Variants in PRR5L observed in about 807,000 individuals in gnomAD.
The protein encoded by PRR5L is proline-rich protein 5-like.
Under a neutral mutation model 36.4 loss-of-function variants are expected in PRR5L, and 21 were observed. The observed-to-expected ratio is 0.58, with a 90% CI of 0.41 to 0.83. The LOEUF (loss-of-function observed/expected upper bound fraction) is 0.83, where lower values mean the gene tolerates loss of function less well. PRR5L is among the 40% of genes least tolerant of loss of function. The pLI is 0.00. For synonymous variants in PRR5L, 188 were observed against 197.0 expected, an observed-to-expected ratio of 0.95 and a Z score of 0.38; for missense variants, 381 against 473.3, an observed-to-expected ratio of 0.80 and a Z score of 1.81.
At chr11:36,352,723 T>C (rs1350005050) in intron 1 of PRR5L, among the ~76,000 whole-genome samples, 1 of 152,146 alleles carries the variant, frequency 6.6e-6, no homozygotes, top group African/African-American at 2.4e-5. Context: ...AGCTAAACAG[T>C]GGGGCTTAGA....
rs187157383 is a variant in PRR5L at position 36,340,111 on chromosome 11, A to G, written c.-126+43673A>G. 4.5e-4 allele frequency among the ~76,000 whole-genome samples: 69 copies of G among 152,356 alleles called. 1 individual carries two copies. Among genetic ancestry groups the G allele is most frequent in the African/African-American group, 4.8e-4 (20 of 41,590 alleles). On this transcript the variant is annotated intron_variant, in intron 1 of 8. Coordinates refer to ENST00000530639, the MANE Select transcript of PRR5L (RefSeq NM_001160167.2). ...CAGTGACAGGAAGGAGTAACTGAGC[A>G]AAGGCTGCAGTCTGGAGCCCCCCTG...
chr11:36,334,397 G>A (rs946525576), intron 1 of PRR5L, among the ~76,000 whole-genome samples: 2 of 152,138 alleles, frequency 1.3e-5, no homozygotes, highest in African/African-American at 4.8e-5. Context: ...GTCCAAACAA[G>A]CTCCTGGCCA....
chr11:36,404,621 A>G lies in PRR5L; in HGVS notation c.245+1243A>G, dbSNP rs1160688340. On this transcript the variant is annotated intron_variant, in intron 3 of 8. Coordinates refer to ENST00000530639, the MANE Select transcript of PRR5L (RefSeq NM_001160167.2). ...ATTCGTTTCTGGATATGTTAAGTGC[A>G]GAACTTCAAGGCTAAAGACCCAACC... Among the ~76,000 whole-genome samples, 3 of 152,280 alleles carry G rather than the reference A, an allele frequency of 2.0e-5. 1 individual carries two copies. In the East Asian group the frequency reaches 5.8e-4, roughly 29 times the overall value.
chr11:36,303,240 G>T (rs527948189), intron 1 of PRR5L, among the ~76,000 whole-genome samples: 129 of 152,344 alleles, frequency 8.5e-4, no homozygotes, highest in African/African-American at 3.1e-3. Context: ...AGATGTAATA[G>T]AAAGTTATTT....
chr11:36,370,423 T>C (rs1037917765), intron 1 of PRR5L, among the ~76,000 whole-genome samples: 1 of 152,186 alleles, frequency 6.6e-6, no homozygotes, highest in African/African-American at 2.4e-5. Flanking sequence ...TTTATGCATT[T>C]GTTTCCATGT....
intron 1 of PRR5L, among the ~76,000 whole-genome samples, chr11:36,390,039 C>A (rs1857535731): frequency 6.6e-6 from 1 of 152,148 alleles, no homozygotes; most frequent in Non-Finnish European, 1.5e-5. Flanking sequence ...GGGGATGTAC[C>A]TGAGAACATG....
chr11:36,351,764 T>TATA (rs1358298089), intron 1 of PRR5L, among the ~76,000 whole-genome samples: 48 of 27,270 alleles, frequency 1.8e-3, no homozygotes, highest in African/African-American at 7.8e-3. Context: ...TATATTTATA[T>TATA]ATTTATATAT....
At chr11:36,394,129 G>A (rs796241790) in intron 1 of PRR5L, 2 of 152,238 alleles carry the variant, frequency 1.3e-5, no homozygotes, top group East Asian at 3.8e-4. Flanking sequence ...ACCATAGGTA[G>A]CATTTATCAA....
intron 1 of PRR5L, among the ~76,000 whole-genome samples, chr11:36,382,777 T>C (rs1455842723): frequency 6.6e-6 from 1 of 152,184 alleles, no homozygotes; most frequent in Non-Finnish European, 1.5e-5. Context: ...AAAAAGTGTC[T>C]CCAGGCAGTG....
intron 1 of PRR5L, among the ~76,000 whole-genome samples, chr11:36,361,436 C>G (rs1857086677): frequency 6.6e-6 from 1 of 151,982 alleles, no homozygotes; most frequent in Admixed American, 6.6e-5. Flanking sequence ...TAATAAATAA[C>G]CAAGGATTTT....
At chr11:36,398,915 C>T (rs1226418645) in intron 1 of PRR5L, 2 of 152,212 alleles carry the variant, frequency 1.3e-5, no homozygotes, top group Admixed American at 1.3e-4. Context: ...TCCATTAACT[C>T]GTTTAAGATC....
At chr11:36,376,171 C>G (rs974748589) in intron 1 of PRR5L, 3 of 1,301,600 alleles carry the variant, frequency 2.3e-6, no homozygotes, top group East Asian at 5.6e-5. Flanking sequence ...AAGTGCAGGG[C>G]CCCCCTCTCC....
intron 1 of PRR5L, among the ~76,000 whole-genome samples, chr11:36,391,301 G>A (rs1857560575): frequency 6.6e-6 from 1 of 152,212 alleles, no homozygotes; most frequent in African/African-American, 2.4e-5. Flanking sequence ...ACTAAGTGCA[G>A]CATCTTCCTC....
intron 1 of PRR5L, chr11:36,329,443 T>C (rs1009778318): frequency 2.6e-5 from 4 of 152,118 alleles, no homozygotes; most frequent in Admixed American, 2.6e-4. Context: ...TACATTGAGA[T>C]AAAAACAGCT....
At chr11:36,388,802 C>T (rs1857506952) in intron 1 of PRR5L, among the ~76,000 whole-genome samples, 1 of 150,498 alleles carries the variant, frequency 6.6e-6, no homozygotes, top group Non-Finnish European at 1.5e-5. Context: ...GGATTCACGC[C>T]ATTCTCCTGC....
chr11:36,359,351 G>A lies in PRR5L; in HGVS notation c.-125-41646G>A, dbSNP rs115366820. On this transcript the variant is annotated intron_variant, in intron 1 of 8. Coordinates refer to ENST00000530639, the MANE Select transcript of PRR5L (RefSeq NM_001160167.2). ...ACTTCCTTCGGTGTTGGAGAGAGAG[G>A]TGATTTGACCAGAATTGTAATAGAG... 2.8e-3 allele frequency among the ~76,000 whole-genome samples: 433 copies of A among 152,314 alleles called. 5 individuals are homozygous for A. The highest frequency in any genetic ancestry group is 1.0e-2 in the African/African-American group (415 of 41,548).
chr11:36,447,160 C>T (rs1042742617), intron 7 of PRR5L, among the ~76,000 whole-genome samples: 3 of 152,220 alleles, frequency 2.0e-5, no homozygotes, highest in Admixed American at 6.5e-5. Flanking sequence ...AGGCCAAGGA[C>T]GTTAAGTGTG....
intron 1 of PRR5L, among the ~76,000 whole-genome samples, chr11:36,301,902 G>A (rs1350503862): frequency 6.6e-6 from 1 of 151,974 alleles, no homozygotes; most frequent in African/African-American, 2.4e-5. Flanking sequence ...TTTTCTTTTG[G>A]GGAGATGCAA....
chr11:36,331,292 A>G (rs1442674632), intron 1 of PRR5L, among the ~76,000 whole-genome samples: 1 of 152,218 alleles, frequency 6.6e-6, no homozygotes, highest in African/African-American at 2.4e-5. Flanking sequence ...AAGAGAATAA[A>G]TTCTTTCAGA....
Sources: allele counts gnomAD v4.1 joint callset (sites outside exome capture counted in the v4.1 genomes callset), GRCh38; gene constraint gnomAD v4.1.1; transcripts MANE v1.5; gene names NCBI Gene and HGNC (gene_info 2026-07-23, HGNC 2026-07-21).